Variants in KIRREL3 observed in about 807,000 individuals in gnomAD.
The protein encoded by KIRREL3 is kirre like nephrin family adhesion molecule 3, also known as kin of IRRE-like protein 3.
A neutral mutation model predicts 89.7 loss-of-function variants in KIRREL3; 36 were observed. That is an observed-to-expected ratio of 0.40 (90% CI 0.31 to 0.53). KIRREL3 has a LOEUF of 0.53. KIRREL3 is among the 20% of genes least tolerant of loss of function. The probability of loss-of-function intolerance (pLI) is 0.49; values close to 1 mark genes in which losing one functional copy is unlikely to be tolerated. For missense variants in KIRREL3, 864 were observed against 1,056.6 expected, an observed-to-expected ratio of 0.82 and a Z score of 2.53; for synonymous variants, 445 against 441.4, an observed-to-expected ratio of 1.01 and a Z score of -0.10.
At chr11:126,532,492 C>G (rs1958974240) in intron 2 of KIRREL3, among the ~76,000 whole-genome samples, 2 of 152,320 alleles carry the variant, frequency 1.3e-5, no homozygotes, top group South Asian at 4.1e-4. Context: ...TCTCCTGCCT[C>G]TGCCTCCTGA....
rs367838355 is a variant in KIRREL3, at chr11:126,456,426, C to T, written c.771G>A (p.Glu257=). Residue 257 remains glutamate (E), a synonymous_variant, in exon 7 of 17, where the codon GAG becomes GAA. Transcript: ENST00000525144. ...CGTTGTCCTCCAGCACTGGCTGTGG[C>T]TCCACCGAGAGGTTGACCAGTGGAG... The part of the protein sequence containing the change: ...QHPPLVNLSV[E]PQPVLEDNVV... 103 of 1,563,948 alleles carry T rather than the reference C, an allele frequency of 6.6e-5. No individual in the cohort carries two copies. Among genetic ancestry groups the T allele is most frequent in the Non-Finnish European group, 8.5e-5 (98 of 1,154,978 alleles).
intron 1 of KIRREL3, among the ~76,000 whole-genome samples, chr11:126,593,607 G>A (rs11220549): frequency 0.12 from 17,963 of 152,230 alleles, 1,116 homozygotes; most frequent in East Asian, 0.21. Context: ...CCATAGCCAC[G>A]TTGCCCTGTA....
Position 126,994,669 on chromosome 11 carries a change from A to C in KIRREL3, c.55+5786T>G, listed in dbSNP as rs904359717. Reference sequence around the variant, plus strand: ...GAGAGGAGAAAAAGAATTAAAAAGCATAATGGTCCTAGCTCCTTCAGTGAG... The same window carrying C: ...GAGAGGAGAAAAAGAATTAAAAAGCCTAATGGTCCTAGCTCCTTCAGTGAG... On this transcript the variant is annotated intron_variant, in intron 1 of 16. Coordinates refer to ENST00000525144, the MANE Select transcript of KIRREL3 (RefSeq NM_032531.4). This position sits in a 1 kb window ranked among gnomAD's most constrained non-coding sequence, Gnocchi z 5.2. Among the ~76,000 whole-genome samples, 7 of 152,334 alleles carry C rather than the reference A, an allele frequency of 4.6e-5. No individual in the cohort carries two copies. Among genetic ancestry groups the C allele is most frequent in the African/African-American group, 1.2e-4 (5 of 41,582 alleles).
At chr11:126,460,313 C>T (rs1956501174) in intron 6 of KIRREL3, among the ~76,000 whole-genome samples, 1 of 152,164 alleles carries the variant, frequency 6.6e-6, no homozygotes, top group Admixed American at 6.5e-5. Flanking sequence ...AGGTGTGGGG[C>T]ACTCACAACG....
At position 126,569,862 on chromosome 11, in the gene KIRREL3, A is replaced by G. The variant is rs1939302; in HGVS notation, c.56-6950T>C. Among the ~76,000 whole-genome samples, 51,382 of 151,906 alleles carry G rather than the reference A, an allele frequency of 0.34. 9,685 individuals carry two copies. Among genetic ancestry groups the G allele is most frequent in the African/African-American group, 0.5 (20,548 of 41,376 alleles). On this transcript the variant is annotated intron_variant, in intron 1 of 16. Coordinates refer to ENST00000525144, the MANE Select transcript of KIRREL3 (RefSeq NM_032531.4). The surrounding 1 kb of genome is among the most constrained non-coding windows in gnomAD (Gnocchi z 6.5). ...ATAGCCATCAGTAGCCATTCTGCCC[A>G]GCGATGCCATTCTGATTGCAGAATG...
chr11:126,543,996 G>T (rs1938581431), intron 2 of KIRREL3: 1 of 152,660 alleles, frequency 6.6e-6, no homozygotes, highest in Non-Finnish European at 1.5e-5. Flanking sequence ...CTTCTGCTGG[G>T]GCACGGGGTC....
rs115784837 is a variant in KIRREL3, at chr11:126,806,066, A to G, written c.55+194389T>C. ...ATAGTCACCAGCCTGGCAGTTGTAC[A>G]AACATCCAGACCTTGAATCCCAATT... On this transcript the variant is annotated intron_variant, in intron 1 of 16. Transcript: ENST00000525144. 4.7e-3 allele frequency among the ~76,000 whole-genome samples: 715 copies of G among 152,356 alleles called. 7 individuals are homozygous for G. Among genetic ancestry groups the G allele is most frequent in the African/African-American group, 0.016 (680 of 41,584 alleles).
chr11:126,497,289 T>TGA (rs138364553), intron 4 of KIRREL3, among the ~76,000 whole-genome samples: 64 of 150,764 alleles, frequency 4.2e-4, no homozygotes, highest in Admixed American at 6.0e-4. Context: ...GGTGTGTGTG[T>TGA]GAGAGAGAGA....
At chr11:126,945,868 A>C (rs915721707) in intron 1 of KIRREL3, among the ~76,000 whole-genome samples, 2 of 152,224 alleles carry the variant, frequency 1.3e-5, no homozygotes, top group African/African-American at 4.8e-5. Flanking sequence ...TTGGTGTTGT[A>C]GTCATCACTT....
rs1946673167 is a variant in KIRREL3, at chr11:126,908,429, G to A, written c.55+92026C>T. ...TGACCAGCTGTGTGACTTTGGGCAA[G>A]TCACTTTAACCTCTCTGTGCTCTGG... On this transcript the variant is annotated intron_variant, in intron 1 of 16. Coordinates refer to ENST00000525144, the MANE Select transcript of KIRREL3 (RefSeq NM_032531.4). The surrounding 1 kb of genome is among the most constrained non-coding windows in gnomAD (Gnocchi z 4.2). Among the ~76,000 whole-genome samples, 1 of 152,182 alleles carries A rather than the reference G, an allele frequency of 6.6e-6. No individual in the cohort carries two copies. Among genetic ancestry groups the A allele is most frequent in the South Asian group, 2.1e-4 (1 of 4,826 alleles).
chr11:126,734,950 G>C lies in KIRREL3; in HGVS notation c.56-172038C>G, dbSNP rs1374438881. On this transcript the variant is annotated intron_variant, in intron 1 of 16. Coordinates refer to ENST00000525144, the MANE Select transcript of KIRREL3 (RefSeq NM_032531.4). This position sits in a 1 kb window ranked among gnomAD's most constrained non-coding sequence, Gnocchi z 5.9. ...TTCTGGTCCAGCTGTGCCTGGCTCCGACCAAGGGCAGGGTCAATGTGCACT... is the reference window on the plus strand; with the variant it reads ...TTCTGGTCCAGCTGTGCCTGGCTCCCACCAAGGGCAGGGTCAATGTGCACT... Among the ~76,000 whole-genome samples, 4 of 152,180 alleles carry C rather than the reference G, an allele frequency of 2.6e-5. No individual in the cohort carries two copies. The highest frequency in any genetic ancestry group is 9.7e-5 in the African/African-American group (4 of 41,438).
At position 126,987,851 on chromosome 11, in the gene KIRREL3, G is replaced by A. The variant is rs867514080; in HGVS notation, c.55+12604C>T. Among the ~76,000 whole-genome samples the A allele has an allele frequency of 3.3e-5, 5 of 152,066 alleles. No individual in the cohort carries two copies. Among genetic ancestry groups the A allele is most frequent in the South Asian group, 2.1e-4 (1 of 4,822 alleles). On this transcript the variant is annotated intron_variant, in intron 1 of 16. Coordinates refer to ENST00000525144, the MANE Select transcript of KIRREL3 (RefSeq NM_032531.4). The surrounding 1 kb of genome is among the most constrained non-coding windows in gnomAD (Gnocchi z 4.6). ...TCTTAAACCAATATTACAATTTTAA[G>A]CATGGCCTGGGTAGACATGTGCCAT...
In KIRREL3 at chr11:126,615,921, C is replaced by T. The variant is rs903748661; in HGVS notation, c.56-53009G>A. On this transcript the variant is annotated intron_variant, in intron 1 of 16. Coordinates refer to ENST00000525144, the MANE Select transcript of KIRREL3 (RefSeq NM_032531.4). This position sits in a 1 kb window ranked among gnomAD's most constrained non-coding sequence, Gnocchi z 5.4. ...GGGAGCAGACTTCTTTGTATGCCCCCGGGGACAGGACAGGATGGAGGGAGG... is the reference window on the plus strand; with the variant it reads ...GGGAGCAGACTTCTTTGTATGCCCCTGGGGACAGGACAGGATGGAGGGAGG... 6.6e-6 allele frequency among the ~76,000 whole-genome samples: 1 copy of T among 152,042 alleles called. No individual in the cohort carries two copies. Among genetic ancestry groups the T allele is most frequent in the African/African-American group, 2.4e-5 (1 of 41,394 alleles).
At chr11:126,488,962 T>G (rs1957438389) in intron 4 of KIRREL3, among the ~76,000 whole-genome samples, 1 of 152,228 alleles carries the variant, frequency 6.6e-6, no homozygotes, top group Non-Finnish European at 1.5e-5. Context: ...ACCCTGGATC[T>G]GTGGCTCTCT....
chr11:126,658,252 G>A (rs1437079203), intron 1 of KIRREL3, among the ~76,000 whole-genome samples: 1 of 152,104 alleles, frequency 6.6e-6, no homozygotes, highest in Non-Finnish European at 1.5e-5. Context: ...CATGTCAGTG[G>A]GTATACCCAG....
At chr11:126,804,544 C>T (rs942765220) in intron 1 of KIRREL3, among the ~76,000 whole-genome samples, 10 of 152,118 alleles carry the variant, frequency 6.6e-5, no homozygotes, top group African/African-American at 2.4e-4. Context: ...CTGAGTCCTC[C>T]GCTGAACTTC....
rs1946647350 is a variant in KIRREL3, at chr11:126,685,910, G to A, written c.56-122998C>T. The stretch of plus-strand genomic sequence containing the variant: ...CTGGGCTCTTCACGTGGCATCCTGT[G>A]CCTGCTCAATGCTGAATCTGCTTCC... On this transcript the variant is annotated intron_variant, in intron 1 of 16. Transcript: ENST00000525144. This position sits in a 1 kb window ranked among gnomAD's most constrained non-coding sequence, Gnocchi z 5.5. Among the ~76,000 whole-genome samples the A allele has an allele frequency of 6.6e-6, 1 of 152,200 alleles. No homozygotes were observed. The highest frequency in any genetic ancestry group is 2.4e-5 in the African/African-American group (1 of 41,466).
At chr11:126,453,704 G>A (rs1956253925) in intron 7 of KIRREL3, among the ~76,000 whole-genome samples, 1 of 152,098 alleles carries the variant, frequency 6.6e-6, no homozygotes, top group African/African-American at 2.4e-5. Context: ...CCCTTCCCAG[G>A]CCACTCTGGC....
chr11:126,923,187 C>CTTCTCTTCT (rs1555090325), intron 1 of KIRREL3, among the ~76,000 whole-genome samples: 1 of 23,846 alleles, frequency 4.2e-5, no homozygotes, highest in African/African-American at 2.3e-4. Context: ...TCTTCTTCTT[C>CTTCTCTTCT]TCTTCTTCTT....
Sources: gnomAD v4.1 joint callset for allele counts (sites outside exome capture counted in the v4.1 genomes callset) on GRCh38, gnomAD v4.1.1 for gene constraint, Gnocchi (gnomAD v3.1) non-coding constraint, MANE v1.5 for transcripts, NCBI Gene and HGNC (gene_info 2026-07-23, HGNC 2026-07-21) for gene names.